Variants in CEMIP2 observed in about 807,000 individuals in gnomAD.
CEMIP2 encodes the protein cell surface hyaluronidase CEMIP2.
CEMIP2 carries 79 observed loss-of-function variants against 146.9 expected under a neutral mutation model. The ratio of observed to expected loss-of-function variants is 0.54; its 90% confidence interval spans 0.45 to 0.65. CEMIP2 has a LOEUF of 0.65. Among genes scored for constraint, CEMIP2 ranks in the 30% least tolerant of loss-of-function variants. CEMIP2 has a pLI of 0.00. For missense variants in CEMIP2, 1,596 were observed against 1,696.2 expected, an observed-to-expected ratio of 0.94 and a Z score of 1.04; for synonymous variants, 601 against 606.3, an observed-to-expected ratio of 0.99 and a Z score of 0.13.
In CEMIP2 at chr9:71,688,677, C is replaced by T. The variant is rs541507815; in HGVS notation, c.3851+1415G>A. Among the ~76,000 whole-genome samples, 12 of 152,114 alleles carry T rather than the reference C, an allele frequency of 7.9e-5. No individual in the cohort carries two copies. In the South Asian group the frequency reaches 1.7e-3, roughly 21 times the overall value. ...TGCTAGGATTACAGGTGTGAGCCAC[C>T]GTGCCTGGCCTACTGTAGTCTTTCT... On this transcript the variant is annotated intron_variant, in intron 22 of 23. Transcript: ENST00000377044.
intron 10 of CEMIP2, among the ~76,000 whole-genome samples, chr9:71,728,799 CT>C (rs1564013039): frequency 7.1e-6 from 1 of 141,558 alleles, no homozygotes; most frequent in African/African-American, 2.6e-5. Flanking sequence ...AAGCTAAGGT[CT>C]TTTTTGTGGG....
intron 8 of CEMIP2, among the ~76,000 whole-genome samples, 155 bp downstream of exon 8, chr9:71,730,550 C>T (rs1337967749): frequency 1.3e-5 from 2 of 151,958 alleles, no homozygotes; most frequent in Non-Finnish European, 2.9e-5. Flanking sequence ...AGGTAGGCTT[C>T]CTTCAGACAG....
intron 1 of CEMIP2, among the ~76,000 whole-genome samples, chr9:71,764,920 T>TTC (rs1824744342): frequency 7.5e-6 from 1 of 132,868 alleles, no homozygotes; most frequent in Admixed American, 7.3e-5. Context: ...CTTTTCTTCC[T>TTC]TTTTTTTTTT....
intron 4 of CEMIP2, among the ~76,000 whole-genome samples, chr9:71,742,931 G>A (rs1823963937): frequency 6.6e-6 from 1 of 152,144 alleles, no homozygotes; most frequent in Admixed American, 6.5e-5. Flanking sequence ...CAAAGAAAAT[G>A]AGCCTCGGCC....
At chr9:71,705,079 T>G (rs1364606030) in intron 17 of CEMIP2, 50 of 385,502 alleles carry the variant, frequency 1.3e-4, no homozygotes, top group Non-Finnish European at 1.8e-4. Flanking sequence ...ATATAAAACT[T>G]CTGTGGCTTA....
chr9:71,734,910 C>G lies in CEMIP2; in HGVS notation c.1289G>C (p.Gly430Ala). The G allele has an allele frequency of 6.2e-7, 1 of 1,613,826 alleles. No homozygotes were observed. The highest frequency in any genetic ancestry group is 8.5e-7 in the Non-Finnish European group (1 of 1,179,982). Reference sequence around the variant, plus strand: ...TGTGCTTGCGACCACAATCTGGTCTCCAGGTTTCCAACTACTAACATCATC... The same window carrying G: ...TGTGCTTGCGACCACAATCTGGTCTGCAGGTTTCCAACTACTAACATCATC... ...LLDDVSSWKP[G>A]DQIVVASTDY... Residue 430 changes from glycine (G) to alanine (A), a missense_variant, in exon 6 of 24, where the codon GGA (glycine) becomes GCA (alanine). Transcript: ENST00000377044.
chr9:71,765,306 A>G (rs533585410), intron 1 of CEMIP2, among the ~76,000 whole-genome samples: 236 of 152,350 alleles, frequency 1.5e-3, no homozygotes, highest in Middle Eastern at 3.4e-3. Context: ...AAAACTTTTG[A>G]AAGTACCTTT....
intron 1 of CEMIP2, among the ~76,000 whole-genome samples, chr9:71,755,177 G>A (rs1824388259): frequency 6.9e-6 from 1 of 144,840 alleles, no homozygotes. Context: ...AACATTAAAG[G>A]AAATCATGCT....
At chr9:71,724,918 A>G (rs1823337733) in intron 11 of CEMIP2, among the ~76,000 whole-genome samples, 2 of 152,128 alleles carry the variant, frequency 1.3e-5, no homozygotes, top group African/African-American at 4.8e-5. Context: ...GATTGGAAAG[A>G]AGTTGAGAGG....
chr9:71,726,208 A>G (rs1025176291), intron 10 of CEMIP2, among the ~76,000 whole-genome samples: 1 of 151,642 alleles, frequency 6.6e-6, no homozygotes, highest in African/African-American at 2.4e-5. Context: ...TTTGCCAAAG[A>G]AAAAAAAACC....
intron 1 of CEMIP2, among the ~76,000 whole-genome samples, chr9:71,759,828 T>TGGGGGGGGGGG (rs34134528): frequency 1.4e-3 from 85 of 60,644 alleles, no homozygotes; most frequent in East Asian, 1.9e-3. Flanking sequence ...TACGGGGAGG[T>TGGGGGGGGGGG]GGGGGGGGGA....
chr9:71,760,941 C>A (rs1021858751), intron 1 of CEMIP2, among the ~76,000 whole-genome samples: 3 of 152,092 alleles, frequency 2.0e-5, no homozygotes, highest in Non-Finnish European at 4.4e-5. Flanking sequence ...CTCCTTAATT[C>A]TTTTTATTGA....
chr9:71,696,525 C>T (rs1163951289), intron 20 of CEMIP2, among the ~76,000 whole-genome samples: 2 of 151,304 alleles, frequency 1.3e-5, no homozygotes, highest in Non-Finnish European at 2.9e-5. Flanking sequence ...AATCCCAGTA[C>T]TTTGGGAAGC....
At chr9:71,702,432 T>G (rs1822596344) in intron 18 of CEMIP2, among the ~76,000 whole-genome samples, 1 of 147,114 alleles carries the variant, frequency 6.8e-6, no homozygotes, top group Non-Finnish European at 1.5e-5. Flanking sequence ...TAAATGTTCA[T>G]GGGGTAAGGG....
chr9:71,689,194 C>G (rs190419980), intron 22 of CEMIP2, among the ~76,000 whole-genome samples: 1 of 152,102 alleles, frequency 6.6e-6, no homozygotes, highest in Non-Finnish European at 1.5e-5. Context: ...GAAGACAGAA[C>G]GACATATATA....
rs560899970 is a variant in CEMIP2 at position 71,755,544 on chromosome 9, T to TA, written c.-12-5160dup. 1.4e-3 allele frequency among the ~76,000 whole-genome samples: 212 copies of TA among 151,884 alleles called. 1 individual carries two copies. The highest frequency in any genetic ancestry group is 3.4e-3 in the Middle Eastern group (1 of 290). ...GCTTGGGTGACAGAGTAAGACTCTC[T>TA]AAAAAAATAAAAAATAAAATTAAAT... On this transcript the variant is annotated intron_variant, in intron 1 of 23. Coordinates refer to ENST00000377044, the MANE Select transcript of CEMIP2 (RefSeq NM_013390.3).
intron 15 of CEMIP2, among the ~76,000 whole-genome samples, chr9:71,714,177 T>C (rs766952414): frequency 6.6e-6 from 1 of 152,152 alleles, no homozygotes; most frequent in Non-Finnish European, 1.5e-5. Context: ...TCTAGGGGAG[T>C]TGATTCTTAA....
chr9:71,734,665 C>T (rs574643179), intron 6 of CEMIP2, 141 bp downstream of exon 6: 1 of 646,848 alleles, frequency 1.5e-6, no homozygotes, highest in Admixed American at 3.3e-5. Context: ...TTGATGCACT[C>T]CACTGCTATG....
In CEMIP2 at chr9:71,729,546, G is replaced by C. The variant is rs183522184; in HGVS notation, c.2049+299C>G. Among the ~76,000 whole-genome samples, 754 of 152,060 alleles carry C rather than the reference G, an allele frequency of 5.0e-3. 5 individuals carry two copies. Among genetic ancestry groups the C allele is most frequent in the African/African-American group, 0.017 (690 of 41,468 alleles). On this transcript the variant is annotated intron_variant, in intron 10 of 23. Transcript: ENST00000377044. ...AGGCAGGAGAATGGCGTGAACCCGGGGGGTGGAGCTTGCAGTGACCAAGAT... is the reference window on the plus strand; with the variant it reads ...AGGCAGGAGAATGGCGTGAACCCGGCGGGTGGAGCTTGCAGTGACCAAGAT...
Sources: allele counts gnomAD v4.1 joint callset (sites outside exome capture counted in the v4.1 genomes callset), GRCh38; gene constraint gnomAD v4.1.1; transcripts MANE v1.5; gene names NCBI Gene and HGNC (gene_info 2026-07-23, HGNC 2026-07-21).